Variants in TPD52L1 observed in about 807,000 individuals in gnomAD.
TPD52L1 encodes TPD52 like 1, also known as tumor protein D53.
A neutral mutation model predicts 28.7 loss-of-function variants in TPD52L1; 18 were observed. That is an observed-to-expected ratio of 0.63 (90% CI 0.43 to 0.93). TPD52L1 has a LOEUF of 0.93. Ranked by LOEUF, TPD52L1 falls within the 40% of genes least tolerant of loss-of-function variation. The probability of loss-of-function intolerance (pLI) is 0.00; values close to 1 mark genes in which losing one functional copy is unlikely to be tolerated. For missense variants in TPD52L1, 203 were observed against 254.8 expected (o/e 0.80, Z 1.39); for synonymous variants, 75 against 88.8 (o/e 0.84, Z 0.88).
At chr6:125,167,229 A>T (rs1171778433) in intron 1 of TPD52L1, among the ~76,000 whole-genome samples, 1 of 152,146 alleles carries the variant, frequency 6.6e-6, no homozygotes. Flanking sequence ...TGGGTGACAG[A>T]GCAAGACCCT....
At chr6:125,172,799 A>G (rs75315885) in intron 1 of TPD52L1, among the ~76,000 whole-genome samples, 12,349 of 151,102 alleles carry the variant, frequency 0.082, 542 homozygotes, top group Middle Eastern at 0.11. Flanking sequence ...TAGAGGTTCA[A>G]TCAGAATTTA....
rs958352451 is a variant in TPD52L1 at position 125,183,466 on chromosome 6, G to A, written c.19+29496G>A. ...TTCACTCCAGCCTGGGTGACAGAGC[G>A]GGACTCCATCTCAAAAAAGAAAAAA... On this transcript the variant is annotated intron_variant, in intron 1 of 6. Coordinates refer to ENST00000534000, the MANE Select transcript of TPD52L1 (RefSeq NM_003287.4). Among the ~76,000 whole-genome samples, 7 of 151,970 alleles carry A rather than the reference G, an allele frequency of 4.6e-5. No individual in the cohort carries two copies. The East Asian group carries it at 7.7e-4, about 17-fold the overall frequency.
intron 1 of TPD52L1, among the ~76,000 whole-genome samples, chr6:125,164,117 C>A (rs755125904): frequency 5.7e-4 from 87 of 152,148 alleles, no homozygotes; most frequent in Non-Finnish European, 1.0e-3. Flanking sequence ...ATTTCAATTA[C>A]CATTCTATAG....
intron 1 of TPD52L1, among the ~76,000 whole-genome samples, chr6:125,213,156 T>G (rs1374259306): frequency 6.6e-6 from 1 of 152,192 alleles, no homozygotes. Flanking sequence ...TATGAGCACC[T>G]AGGCTTTGAG....
At chr6:125,239,908 G>A (rs567228729) in intron 3 of TPD52L1, among the ~76,000 whole-genome samples, 1 of 152,160 alleles carries the variant, frequency 6.6e-6, no homozygotes, top group Admixed American at 6.5e-5. Context: ...CCTAAGCCAA[G>A]GTCTAGAAGA....
intron 2 of TPD52L1, among the ~76,000 whole-genome samples, chr6:125,226,687 C>A (rs184686683): frequency 2.6e-3 from 387 of 151,350 alleles, no homozygotes; most frequent in African/African-American, 9.2e-3. Flanking sequence ...GAGAAAAAAC[C>A]CAGACTCCCA....
chr6:125,177,678 T>C lies in TPD52L1; in HGVS notation c.19+23708T>C, dbSNP rs540971042. On this transcript the variant is annotated intron_variant, in intron 1 of 6. Coordinates refer to ENST00000534000, the MANE Select transcript of TPD52L1 (RefSeq NM_003287.4). ...ATTGAAGAGACTGTTTAGAGGCTTA[T>C]TTTTAATTAAAAAGTTAACATTTTT... Among the ~76,000 whole-genome samples, 22 of 152,352 alleles carry C rather than the reference T, an allele frequency of 1.4e-4. No individual in the cohort carries two copies. In the South Asian group the frequency reaches 4.6e-3, roughly 32 times the overall value.
chr6:125,213,482 G>A (rs1466729843), intron 1 of TPD52L1, among the ~76,000 whole-genome samples: 2 of 152,228 alleles, frequency 1.3e-5, no homozygotes, highest in East Asian at 3.9e-4. Flanking sequence ...CAGTTCAGTA[G>A]CCCCTCCGAG....
intron 1 of TPD52L1, among the ~76,000 whole-genome samples, chr6:125,197,822 A>G (rs911846886): frequency 1.3e-5 from 2 of 152,144 alleles, no homozygotes; most frequent in Non-Finnish European, 2.9e-5. Flanking sequence ...AGAAAAGGAA[A>G]TGGAAGAGGG....
At chr6:125,223,276 C>T (rs1216111670) in intron 2 of TPD52L1, among the ~76,000 whole-genome samples, 1 of 152,130 alleles carries the variant, frequency 6.6e-6, no homozygotes, top group African/African-American at 2.4e-5. Flanking sequence ...ATCTCATAAC[C>T]CCATTCTCTC....
intron 1 of TPD52L1, among the ~76,000 whole-genome samples, chr6:125,169,453 C>T (rs570321436): frequency 6.6e-5 from 10 of 152,314 alleles, no homozygotes; most frequent in African/African-American, 2.4e-4. Flanking sequence ...ATCTCCTGAG[C>T]TCCCTCCTCC....
intron 1 of TPD52L1, among the ~76,000 whole-genome samples, chr6:125,204,658 T>C (rs1360206940): frequency 6.6e-6 from 1 of 152,054 alleles, no homozygotes; most frequent in Non-Finnish European, 1.5e-5. Context: ...TTTTTGTATT[T>C]TTAATAGAGA....
intron 1 of TPD52L1, among the ~76,000 whole-genome samples, chr6:125,160,918 C>T (rs1790485279): frequency 6.8e-6 from 1 of 147,410 alleles, no homozygotes; most frequent in Non-Finnish European, 1.5e-5. Flanking sequence ...GTGGCACGAT[C>T]TTGGCTCACT....
chr6:125,216,527 GTGTATATATATATATATATATATATA>G (rs1794896795), intron 1 of TPD52L1, among the ~76,000 whole-genome samples: 2 of 40,192 alleles, frequency 5.0e-5, no homozygotes, highest in African/African-American at 7.1e-5. Context: ...CAGTATGTGT[GTGTATATATATATATATATATATATA>G]TATATATATA....
At chr6:125,188,433 G>A (rs1792799403) in intron 1 of TPD52L1, among the ~76,000 whole-genome samples, 2 of 152,122 alleles carry the variant, frequency 1.3e-5, no homozygotes, top group Admixed American at 6.5e-5. Context: ...TGAACATTTA[G>A]ATACAATGTG....
At chr6:125,159,837 G>A (rs773676902) in intron 1 of TPD52L1, among the ~76,000 whole-genome samples, 1 of 152,152 alleles carries the variant, frequency 6.6e-6, no homozygotes, top group Non-Finnish European at 1.5e-5. Flanking sequence ...GACCACGTAT[G>A]ATATTGTTTG....
At chr6:125,194,994 T>C (rs919585246) in intron 1 of TPD52L1, among the ~76,000 whole-genome samples, 12 of 152,230 alleles carry the variant, frequency 7.9e-5, no homozygotes, top group Non-Finnish European at 1.3e-4. Flanking sequence ...GTTTCATTTA[T>C]ATATAGTCAG....
intron 1 of TPD52L1, among the ~76,000 whole-genome samples, chr6:125,182,366 C>T (rs1222184306): frequency 1.3e-5 from 2 of 152,076 alleles, no homozygotes; most frequent in African/African-American, 4.8e-5. Flanking sequence ...TTTTAGGAAT[C>T]GTGAGCTGGA....
chr6:125,172,539 T>C (rs1562214560), intron 1 of TPD52L1, among the ~76,000 whole-genome samples: 3 of 95,042 alleles, frequency 3.2e-5, no homozygotes, highest in African/African-American at 4.4e-5. Context: ...TATATATATA[T>C]ATATATATAT....
Sources: allele counts gnomAD v4.1 joint callset (sites outside exome capture counted in the v4.1 genomes callset), GRCh38; gene constraint gnomAD v4.1.1; transcripts MANE v1.5; gene names NCBI Gene and HGNC (gene_info 2026-07-23, HGNC 2026-07-21).